SLC8A1: variants seen among roughly 807,000 people sequenced by gnomAD.
SLC8A1 encodes solute carrier family 8 member A1.
A neutral mutation model predicts 68.3 loss-of-function variants in SLC8A1; 18 were observed. That is an observed-to-expected ratio of 0.26 (90% confidence interval 0.18 to 0.39). The LOEUF (loss-of-function observed/expected upper bound fraction) is 0.39. Ranked by LOEUF, SLC8A1 falls within the 10% of genes least tolerant of loss-of-function variation. SLC8A1 has a pLI of 1.00. For missense variants in SLC8A1, 985 were observed against 1,156.7 expected (o/e 0.85, Z 2.15); for synonymous variants, 475 against 415.5 (o/e 1.14, Z -1.74).
intron 2 of SLC8A1, among the ~76,000 whole-genome samples, chr2:40,243,354 T>C (rs895136324): frequency 6.6e-5 from 10 of 152,024 alleles, no homozygotes; most frequent in African/African-American, 2.4e-4. Context: ...CTGGGCATGG[T>C]AGTGTCTGCG....
chr2:40,435,899 C>A (rs898582764), intron 1 of SLC8A1, among the ~76,000 whole-genome samples: 1 of 151,818 alleles, frequency 6.6e-6, no homozygotes, highest in Non-Finnish European at 1.5e-5. Flanking sequence ...CCTCAGCCTG[C>A]CAAGTAGCTG....
At chr2:40,181,001 C>T (rs1035217371) in intron 2 of SLC8A1, among the ~76,000 whole-genome samples, 1 of 152,042 alleles carries the variant, frequency 6.6e-6, no homozygotes, top group African/African-American at 2.4e-5. Flanking sequence ...CTCTTATTGC[C>T]CAGGCTGGAG....
intron 2 of SLC8A1, among the ~76,000 whole-genome samples, chr2:40,385,621 G>A (rs1683315278): frequency 6.6e-6 from 1 of 151,110 alleles, no homozygotes; most frequent in South Asian, 2.1e-4. Flanking sequence ...TTAAACTTTG[G>A]CAGGCTGAAG....
At chr2:40,116,805 A>G (rs146380824) in intron 7 of SLC8A1, 3 of 152,304 alleles carry the variant, frequency 2.0e-5, no homozygotes, top group African/African-American at 7.2e-5. Flanking sequence ...TCCTGACTGT[A>G]TCTTTTTGTG....
At chr2:40,438,561 A>T (rs1450478425) in intron 1 of SLC8A1, among the ~76,000 whole-genome samples, 2 of 152,188 alleles carry the variant, frequency 1.3e-5, no homozygotes, top group Non-Finnish European at 2.9e-5. Context: ...TGCAAGCGAC[A>T]GTTACTCCAA....
chr2:40,251,113 G>A (rs1339879585), intron 2 of SLC8A1: 1 of 152,036 alleles, frequency 6.6e-6, no homozygotes, highest in Non-Finnish European at 1.5e-5. Flanking sequence ...CTGGATTTCT[G>A]CAGGGGATAT....
At chr2:40,324,334 C>T (rs956611749) in intron 2 of SLC8A1, among the ~76,000 whole-genome samples, 3 of 152,066 alleles carry the variant, frequency 2.0e-5, no homozygotes, top group Non-Finnish European at 4.4e-5. Context: ...GGAATTATAC[C>T]TGGTTTTGAA....
chr2:40,215,940 A>G (rs148144519), intron 2 of SLC8A1, among the ~76,000 whole-genome samples: 95 of 151,436 alleles, frequency 6.3e-4, no homozygotes, highest in African/African-American at 2.2e-3. Context: ...CTGGTGTCAT[A>G]TCTGACAAAA....
intron 2 of SLC8A1, among the ~76,000 whole-genome samples, chr2:40,278,166 T>C (rs1353615010): frequency 6.6e-6 from 1 of 152,074 alleles, no homozygotes; most frequent in African/African-American, 2.4e-5. Flanking sequence ...TATTTACCTG[T>C]ATCTCTAAAA....
intron 2 of SLC8A1, among the ~76,000 whole-genome samples, chr2:40,373,648 G>A (rs1443677378): frequency 6.6e-6 from 1 of 152,078 alleles, no homozygotes; most frequent in Non-Finnish European, 1.5e-5. Flanking sequence ...AGGAAATGAA[G>A]GCTGAGAGAA....
At chr2:40,495,763 G>A (rs1201208677) in intron 1 of SLC8A1, among the ~76,000 whole-genome samples, 1 of 152,018 alleles carries the variant, frequency 6.6e-6, no homozygotes, top group Non-Finnish European at 1.5e-5. Flanking sequence ...TGACAGGATT[G>A]GAACTTGTAG....
chr2:40,494,135 A>C (rs895888589), intron 1 of SLC8A1, among the ~76,000 whole-genome samples: 1 of 152,018 alleles, frequency 6.6e-6, no homozygotes, highest in Non-Finnish European at 1.5e-5. Context: ...TAATAATCAT[A>C]ATAATAAACT....
intron 1 of SLC8A1, among the ~76,000 whole-genome samples, chr2:40,487,594 C>G (rs1287431960): frequency 6.6e-6 from 1 of 152,128 alleles, no homozygotes; most frequent in Non-Finnish European, 1.5e-5. Context: ...TATATTAACA[C>G]AGTAGTCGGG....
intron 2 of SLC8A1, 44 bp downstream of exon 3, chr2:40,178,343 G>A (rs1314820087): frequency 1.4e-6 from 2 of 1,467,178 alleles, no homozygotes; most frequent in Non-Finnish European, 1.9e-6. Context: ...GGTGGCACAG[G>A]CCAGCAGAAG....
intron 1 of SLC8A1, among the ~76,000 whole-genome samples, chr2:40,436,622 G>C (rs1041458014): frequency 6.6e-6 from 1 of 152,048 alleles, no homozygotes; most frequent in East Asian, 1.9e-4. Context: ...CATACTCAAG[G>C]AAGTACATCT....
chr2:40,342,396 A>G (rs1484075650), intron 2 of SLC8A1, among the ~76,000 whole-genome samples: 8 of 152,194 alleles, frequency 5.3e-5, no homozygotes, highest in Non-Finnish European at 7.4e-5. Context: ...TTTAAAAACT[A>G]TATTAACAGT....
At chr2:40,186,238 A>C (rs760300062) in intron 2 of SLC8A1, among the ~76,000 whole-genome samples, 1 of 152,234 alleles carries the variant, frequency 6.6e-6, no homozygotes, top group East Asian at 1.9e-4. Flanking sequence ...AGCTCTGTTC[A>C]TATCACCTTG....
intron 2 of SLC8A1, among the ~76,000 whole-genome samples, chr2:40,405,199 C>A (rs1689953480): frequency 6.6e-6 from 1 of 152,092 alleles, no homozygotes; most frequent in Non-Finnish European, 1.5e-5. Context: ...GACAGAGTGC[C>A]AAATTTCAGA....
intron 1 of SLC8A1, among the ~76,000 whole-genome samples, chr2:40,503,103 T>A (rs952046166): frequency 6.6e-6 from 1 of 152,032 alleles, no homozygotes; most frequent in African/African-American, 2.4e-5. Flanking sequence ...TTGAGCTGCA[T>A]AATCACATGT....
Sources: allele counts gnomAD v4.1 joint callset (sites outside exome capture counted in the v4.1 genomes callset), GRCh38; gene constraint gnomAD v4.1.1; transcripts MANE v1.5; gene names NCBI Gene and HGNC (gene_info 2026-07-23, HGNC 2026-07-21).